AKAP19: variants seen among roughly 807,000 people sequenced by gnomAD.
AKAP19 encodes the protein A-kinase anchoring protein 19.
At chr2:189,927,519 T>C in the AKAP19 span, among the ~76,000 whole-genome samples, 4 of 152,196 alleles carry the variant, frequency 2.6e-5, no homozygotes, top group Non-Finnish European at 5.9e-5. Context: ...CTTACAAAAA[T>C]AGTATGAAGA....
chr2:190,064,163 G>T, the AKAP19 span, among the ~76,000 whole-genome samples: 1 of 151,950 alleles, frequency 6.6e-6, no homozygotes. Context: ...TTCTTAAGAG[G>T]TATCTACATC....
the AKAP19 span, among the ~76,000 whole-genome samples, chr2:190,198,692 CTA>C: frequency 1.4e-5 from 2 of 144,200 alleles, no homozygotes; most frequent in Non-Finnish European, 3.0e-5. Flanking sequence ...ATTTTTAGAG[CTA>C]TGTTTTTAGT....
At chr2:190,070,134 C>A in the AKAP19 span, among the ~76,000 whole-genome samples, 1 of 151,942 alleles carries the variant, frequency 6.6e-6, no homozygotes, top group Non-Finnish European at 1.5e-5. Flanking sequence ...GTTCTTGGAC[C>A]CTATCCATGG....
At chr2:190,014,845 A>G in the AKAP19 span, among the ~76,000 whole-genome samples, 5 of 152,292 alleles carry the variant, frequency 3.3e-5, no homozygotes, top group Non-Finnish European at 7.4e-5. Flanking sequence ...ACAGGCCCCC[A>G]TGCAAGTCTG....
the AKAP19 span, among the ~76,000 whole-genome samples, chr2:189,901,209 T>A: frequency 6.6e-6 from 1 of 152,222 alleles, no homozygotes; most frequent in African/African-American, 2.4e-5. Context: ...GTAGATGTTT[T>A]GGGGTTTTTG....
At chr2:190,193,924 G>A in the AKAP19 span, among the ~76,000 whole-genome samples, 1 of 152,068 alleles carries the variant, frequency 6.6e-6, no homozygotes, top group Admixed American at 6.5e-5. Context: ...AAGCATTTAA[G>A]TATATAAATT....
At chr2:190,141,481 T>C in the AKAP19 span, among the ~76,000 whole-genome samples, 6 of 152,152 alleles carry the variant, frequency 3.9e-5, no homozygotes, top group Non-Finnish European at 8.8e-5. Context: ...CTTACAGTCA[T>C]GGTGGAAGGA....
chr2:190,022,053 C>G, the AKAP19 span, among the ~76,000 whole-genome samples: 4 of 151,930 alleles, frequency 2.6e-5, no homozygotes, highest in African/African-American at 9.7e-5. Flanking sequence ...CTTACAAAGC[C>G]ATCAGTCCCA....
the AKAP19 span, among the ~76,000 whole-genome samples, chr2:190,031,635 C>T: frequency 6.6e-6 from 1 of 152,040 alleles, no homozygotes; most frequent in African/African-American, 2.4e-5. Flanking sequence ...AAAAGAGGAA[C>T]TCAGAAGCTA....
chr2:190,045,374 C>T, the AKAP19 span, among the ~76,000 whole-genome samples: 1 of 152,000 alleles, frequency 6.6e-6, no homozygotes, highest in Admixed American at 6.5e-5. Flanking sequence ...TCTGGAAGCA[C>T]CGTCCCAGGG....
the AKAP19 span, among the ~76,000 whole-genome samples, chr2:190,128,849 C>T: frequency 6.6e-6 from 1 of 152,234 alleles, no homozygotes; most frequent in African/African-American, 2.4e-5. Flanking sequence ...TATAGGATTT[C>T]CATGTTGCAT....
At chr2:190,077,271 A>C in the AKAP19 span, among the ~76,000 whole-genome samples, 8 of 150,802 alleles carry the variant, frequency 5.3e-5, no homozygotes, top group Non-Finnish European at 1.2e-4. Context: ...GTGCAGTAGC[A>C]TGATCTTGGC....
At chr2:190,055,721 A>G in the AKAP19 span, 1 of 152,168 alleles carries the variant, frequency 6.6e-6, no homozygotes, top group Non-Finnish European at 1.5e-5. Flanking sequence ...AAAATGTGAA[A>G]ACACTTTAAT....
chr2:189,972,945 T>C, the AKAP19 span, among the ~76,000 whole-genome samples: 4 of 152,220 alleles, frequency 2.6e-5, no homozygotes, highest in African/African-American at 9.6e-5. Flanking sequence ...CAATTTGACT[T>C]CCTCTTTTCC....
chr2:190,060,593 G>A, the AKAP19 span, among the ~76,000 whole-genome samples: 1 of 151,996 alleles, frequency 6.6e-6, no homozygotes, highest in East Asian at 1.9e-4. Context: ...TCAAAAAAAT[G>A]TCAAAGAAAA....
chr2:190,033,311 A>G, the AKAP19 span, among the ~76,000 whole-genome samples: 1 of 152,218 alleles, frequency 6.6e-6, no homozygotes, highest in African/African-American at 2.4e-5. Flanking sequence ...TTCTTTAACT[A>G]GCAAACTATT....
the AKAP19 span, among the ~76,000 whole-genome samples, chr2:190,022,279 T>C: frequency 2.0e-5 from 3 of 152,076 alleles, no homozygotes; most frequent in African/African-American, 7.2e-5. Flanking sequence ...AGTTCAAGAT[T>C]ATGACTGATA....
At chr2:190,193,132 G>C in the AKAP19 span, among the ~76,000 whole-genome samples, 1 of 151,978 alleles carries the variant, frequency 6.6e-6, no homozygotes, top group African/African-American at 2.4e-5. Context: ...TTTGAGGAAG[G>C]CCTTCCTATT....
the AKAP19 span, among the ~76,000 whole-genome samples, chr2:190,073,725 G>C: frequency 6.6e-6 from 1 of 151,704 alleles, no homozygotes; most frequent in Admixed American, 6.6e-5. Flanking sequence ...CTTTACCCTG[G>C]TTGTACATTA....
Sources: gnomAD v4.1 joint callset for allele counts (sites outside exome capture counted in the v4.1 genomes callset) on GRCh38, gnomAD v4.1.1 for gene constraint, MANE v1.5 for transcripts, NCBI Gene and HGNC (gene_info 2026-07-23, HGNC 2026-07-21) for gene names.